FHAD1: variants seen among roughly 807,000 people sequenced by gnomAD.
FHAD1 encodes the protein forkhead-associated domain-containing protein 1.
Under a neutral mutation model 191.3 loss-of-function variants are expected in FHAD1, and 146 were observed. The observed-to-expected ratio is 0.76, with a 90% CI of 0.67 to 0.88. The LOEUF (loss-of-function observed/expected upper bound fraction) is 0.88. FHAD1 is among the 40% of genes least tolerant of loss of function. The pLI is 0.00. For missense variants in FHAD1, 1,635 were observed against 1,785.8 expected (o/e 0.92, Z 1.52); for synonymous variants, 616 against 672.3 (o/e 0.92, Z 1.29).
chr1:15,252,581 C>T (rs1360576246), intron 2 of FHAD1, among the ~76,000 whole-genome samples: 2 of 152,220 alleles, frequency 1.3e-5, no homozygotes, highest in Admixed American at 6.5e-5. Context: ...CGAGTGCCAC[C>T]TCCTACCTCA....
At chr1:15,244,700 C>T (rs993027399), upstream of FHAD1, among the ~76,000 whole-genome samples, 10 of 152,010 alleles carry the variant, frequency 6.6e-5, no homozygotes, top group African/African-American at 1.9e-4. The surrounding 1 kb of genome is among the most constrained non-coding windows in gnomAD (Gnocchi z 5.1). Flanking sequence ...GGCACAGCAG[C>T]AAACAAAACA....
chr1:15,337,967 T>C (rs955773483), intron 14 of FHAD1, among the ~76,000 whole-genome samples: 2 of 152,160 alleles, frequency 1.3e-5, no homozygotes, highest in African/African-American at 4.8e-5. Context: ...TCAGTCATGT[T>C]TAAATCAAGT....
rs183879616 is a variant in FHAD1 at position 15,360,556 on chromosome 1, G to A, written c.2815G>A (p.Gly939Arg). 4.7e-5 allele frequency: 73 copies of A among 1,551,986 alleles called. No individual in the cohort carries two copies. In the African/African-American group the frequency reaches 5.1e-4, roughly 11 times the overall value. The stretch of plus-strand genomic sequence containing the variant: ...GGATGAGCAGGAATCACAGAGACAC[G>A]GGTTTGAAGAAGAGATCATGGAATA... ...LQDEQESQRHGFEEEIMEYKE... is the reference protein window; with the variant it reads ...LQDEQESQRHRFEEEIMEYKE... Residue 939 changes from glycine (G) to arginine (R), a missense_variant, in exon 22 of 34, where the codon GGG becomes AGG. Gly to Arg is a moderately radical substitution (Grantham distance 125). Coordinates refer to ENST00000688493, the MANE Select transcript of FHAD1 (RefSeq NM_001391957.1).
At chr1:15,278,850 G>T (rs1293024871) in intron 3 of FHAD1, among the ~76,000 whole-genome samples, 8 of 152,070 alleles carry the variant, frequency 5.3e-5, no homozygotes, top group Non-Finnish European at 4.4e-5. Context: ...TAATCATATT[G>T]ATACATCTGA....
chr1:15,374,717 T>C (rs1351391104), intron 27 of FHAD1, 86 bp downstream of exon 27: 19 of 1,490,348 alleles, frequency 1.3e-5, no homozygotes, highest in Non-Finnish European at 1.5e-5. Flanking sequence ...GACTACCATG[T>C]TTTATCTGCA....
upstream of FHAD1, among the ~76,000 whole-genome samples, chr1:15,243,277 A>G (rs1645608722): frequency 6.6e-6 from 1 of 151,508 alleles, no homozygotes; most frequent in Non-Finnish European, 1.5e-5. Context: ...AGGTCTGTAT[A>G]TAAAAATCTG....
intron 20 of FHAD1, among the ~76,000 whole-genome samples, chr1:15,355,371 CA>C (rs1175766792): frequency 2.0e-5 from 3 of 152,250 alleles, no homozygotes; most frequent in East Asian, 3.9e-4. Flanking sequence ...CTTGTTTGCA[CA>C]TTATTTTATC....
rs1678378450 is a variant in FHAD1 at position 15,325,940 on chromosome 1, G to A, written c.1474-1119G>A. The A allele has an allele frequency of 6.6e-6, 1 of 152,610 alleles. No homozygotes were observed. Among genetic ancestry groups the A allele is most frequent in the Non-Finnish European group, 1.5e-5 (1 of 68,366 alleles). 9.5% of individuals were successfully genotyped at this position (152,610 alleles called of 1,614,324 possible). A position where few individuals can be genotyped will look rare whatever the true frequency, so the allele number is the denominator to read the frequency against. ...ATGACCTCTCCCTCCCAATGGCCCT[G>A]GGCAGCCATTCCTGTGGGGAGCCCC... is the stretch of plus-strand genomic sequence containing the variant. On this transcript the variant is annotated intron_variant, in intron 11 of 33. Transcript: ENST00000688493. The surrounding 1 kb of genome is among the most constrained non-coding windows in gnomAD (Gnocchi z 4.6).
At chr1:15,361,740 C>G (rs892240524) in intron 22 of FHAD1, among the ~76,000 whole-genome samples, 2 of 147,890 alleles carry the variant, frequency 1.4e-5, no homozygotes, top group African/African-American at 5.0e-5. Context: ...AGGTCAGTGG[C>G]TCACGCCTGT....
chr1:15,256,717 C>T (rs1369017420), intron 2 of FHAD1, among the ~76,000 whole-genome samples: 1 of 151,130 alleles, frequency 6.6e-6, no homozygotes, highest in Non-Finnish European at 1.5e-5. Flanking sequence ...CCTGCCCTGC[C>T]CTACACCGAG....
intron 31 of FHAD1, chr1:15,383,155 G>A: frequency 2.1e-6 from 1 of 471,736 alleles, no homozygotes. Context: ...TTCCTCATTA[G>A]TAGATGGGAG....
At chr1:15,376,128 C>T (rs1029408387) in intron 28 of FHAD1, among the ~76,000 whole-genome samples, 18 of 148,598 alleles carry the variant, frequency 1.2e-4, no homozygotes, top group Non-Finnish European at 2.7e-4. Context: ...CTCGCTCTGT[C>T]ACCCAGGCTG....
rs867706185 is a variant in FHAD1, at chr1:15,311,702, C to T, written c.1040-1355C>T. On this transcript the variant is annotated intron_variant, in intron 7 of 33. Coordinates refer to ENST00000688493, the MANE Select transcript of FHAD1 (RefSeq NM_001391957.1). The surrounding 1 kb of genome is among the most constrained non-coding windows in gnomAD (Gnocchi z 4.1). ...ATGAATGTTTTTCTAAGAAAAGGACCGTATGAGATAACCCAATACCACTGC... is the reference window on the plus strand; with the variant it reads ...ATGAATGTTTTTCTAAGAAAAGGACTGTATGAGATAACCCAATACCACTGC... Among the ~76,000 whole-genome samples the T allele has an allele frequency of 2.0e-5, 3 of 152,150 alleles. No individual in the cohort carries two copies. The highest frequency in any genetic ancestry group is 2.4e-5 in the African/African-American group (1 of 41,412).
intron 6 of FHAD1, among the ~76,000 whole-genome samples, chr1:15,304,659 T>C (rs536533854): frequency 6.6e-6 from 1 of 152,248 alleles, no homozygotes; most frequent in Non-Finnish European, 1.5e-5. Context: ...GAAATAATTT[T>C]TTTCACTCCA....
intron 26 of FHAD1, among the ~76,000 whole-genome samples, chr1:15,372,997 A>G (rs952219671): frequency 2.6e-5 from 4 of 152,248 alleles, no homozygotes; most frequent in Admixed American, 2.0e-4. Flanking sequence ...AGAGCCTAGA[A>G]TAAGCCTTGG....
In FHAD1 at chr1:15,394,020, T is replaced by C. The variant is rs183778218; in HGVS notation, c.4323+2757T>C. ...CTGAAGCAGACACCCCAGGATGGCCTGAGTTCATTCACACCTGGGTGTGGC... is the reference window on the plus strand; with the variant it reads ...CTGAAGCAGACACCCCAGGATGGCCCGAGTTCATTCACACCTGGGTGTGGC... On this transcript the variant is annotated intron_variant, in intron 33 of 33. Coordinates refer to ENST00000688493, the MANE Select transcript of FHAD1 (RefSeq NM_001391957.1). Among the ~76,000 whole-genome samples, 896 of 152,236 alleles carry C rather than the reference T, an allele frequency of 5.9e-3. 6 individuals carry two copies. Among genetic ancestry groups the C allele is most frequent in the Non-Finnish European group, 9.2e-3 (628 of 68,014 alleles).
intron 5 of FHAD1, among the ~76,000 whole-genome samples, chr1:15,299,937 T>A (rs1668217454): frequency 1.3e-5 from 2 of 152,220 alleles, no homozygotes; most frequent in Non-Finnish European, 2.9e-5. Context: ...GGCTCCATCA[T>A]GACCAAAACC....
intron 32 of FHAD1, among the ~76,000 whole-genome samples, chr1:15,390,890 G>A (rs183656713): frequency 6.6e-6 from 1 of 152,284 alleles, no homozygotes. Flanking sequence ...AGCTAAAACA[G>A]ACGTGTCCTC....
chr1:15,394,159 G>A (rs1239352897), intron 33 of FHAD1, among the ~76,000 whole-genome samples: 2 of 152,194 alleles, frequency 1.3e-5, no homozygotes, highest in Non-Finnish European at 2.9e-5. Context: ...CAGGTCAGCG[G>A]TCCTGGCTGC....
Sources: allele counts gnomAD v4.1 joint callset (sites outside exome capture counted in the v4.1 genomes callset), GRCh38; gene constraint gnomAD v4.1.1; non-coding constraint Gnocchi (gnomAD v3.1); transcripts MANE v1.5; gene names NCBI Gene and HGNC (gene_info 2026-07-23, HGNC 2026-07-21).